CDH23: variants seen among roughly 807,000 people sequenced by gnomAD.
The protein encoded by CDH23 is cadherin related 23, also known as cadherin-23.
In CDH23, 189 loss-of-function variants were observed where a neutral mutation model predicts 317.1. That is an observed-to-expected ratio of 0.60 (90% CI 0.53 to 0.67). The LOEUF (loss-of-function observed/expected upper bound fraction) is 0.67. Among genes scored for constraint, CDH23 ranks in the 30% least tolerant of loss-of-function variants. The pLI, the probability that CDH23 is intolerant of heterozygous loss-of-function variation, is 0.00. For missense variants in CDH23, 4,401 were observed against 4,592.4 expected (o/e 0.96, Z 1.20); for synonymous variants, 1,839 against 1,876.8 (o/e 0.98, Z 0.52).
At chr10:71,508,792 A>G (rs1314010841) in intron 3 of CDH23, among the ~76,000 whole-genome samples, 1 of 152,166 alleles carries the variant, frequency 6.6e-6, no homozygotes, top group Non-Finnish European at 1.5e-5. Context: ...GACTATAGAC[A>G]TTGTCTTCGG....
At chr10:71,524,848 G>A (rs1488385407) in intron 6 of CDH23, among the ~76,000 whole-genome samples, 4 of 152,104 alleles carry the variant, frequency 2.6e-5, no homozygotes, top group Admixed American at 6.5e-5. Flanking sequence ...AAAAGGGAAG[G>A]AAACAGATTT....
intron 1 of CDH23, among the ~76,000 whole-genome samples, chr10:71,426,487 T>C (rs1849083820): frequency 1.3e-5 from 2 of 151,980 alleles, no homozygotes; most frequent in Non-Finnish European, 2.9e-5. Context: ...CCACGGGAGA[T>C]GGACTTCAGG....
chr10:71,773,804 CG>C (rs1191991271), intron 38 of CDH23, among the ~76,000 whole-genome samples: 1 of 152,166 alleles, frequency 6.6e-6, no homozygotes, highest in Non-Finnish European at 1.5e-5. Flanking sequence ...CCTCTAACAG[CG>C]TGATAGACGT....
At chr10:71,440,018 C>CTG (rs1173297145) in intron 2 of CDH23, 120 bp downstream of exon 2, 7 of 777,546 alleles carry the variant, frequency 9.0e-6, no homozygotes, top group African/African-American at 1.7e-5. Context: ...CACTGTCTTA[C>CTG]TGTGTGACTG....
chr10:71,751,779 G>C lies in CDH23; in HGVS notation c.4845+9858G>C. 1 of 1,601,892 alleles carries C rather than the reference G, an allele frequency of 6.2e-7. No individual in the cohort carries two copies. The highest frequency in any genetic ancestry group is 8.5e-7 in the Non-Finnish European group (1 of 1,173,984). On this transcript the variant is annotated intron_variant, in intron 38 of 69. Transcript: ENST00000224721. This position sits in a 1 kb window ranked among gnomAD's most constrained non-coding sequence, Gnocchi z 4.9. Reference sequence around the variant, plus strand: ...GGCTGCCGCTGGGCCACATAGGACAGGGGGTGCCTGACTTTGGCCTCGGGT... The same window carrying C: ...GGCTGCCGCTGGGCCACATAGGACACGGGGTGCCTGACTTTGGCCTCGGGT...
At chr10:71,735,859 C>T (rs1315788026) in intron 34 of CDH23, among the ~76,000 whole-genome samples, 1 of 152,222 alleles carries the variant, frequency 6.6e-6, no homozygotes, top group Non-Finnish European at 1.5e-5. Flanking sequence ...AGCTATGCTC[C>T]CCAAGGGCAG....
chr10:71,581,452 C>A (rs370911212), intron 9 of CDH23, among the ~76,000 whole-genome samples: 1 of 152,190 alleles, frequency 6.6e-6, no homozygotes, highest in Non-Finnish European at 1.5e-5. Context: ...GGATCCGTGG[C>A]CCACAGTTAA....
At chr10:71,715,640 G>A (rs1012629178) in intron 28 of CDH23, 13 of 290,680 alleles carry the variant, frequency 4.5e-5, no homozygotes, top group Non-Finnish European at 6.4e-5. Context: ...ACGAGCCCCA[G>A]GTTGTACCCT....
chr10:71,537,907 A>C (rs1271821182), intron 6 of CDH23, among the ~76,000 whole-genome samples: 1 of 151,900 alleles, frequency 6.6e-6, no homozygotes, highest in Non-Finnish European at 1.5e-5. Context: ...CCTCCCACTC[A>C]CTCGGCTGGT....
intron 38 of CDH23, among the ~76,000 whole-genome samples, chr10:71,771,716 G>A (rs1057389193): frequency 6.6e-6 from 1 of 152,202 alleles, no homozygotes; most frequent in African/African-American, 2.4e-5. Flanking sequence ...ATACCATGTT[G>A]TTTGAGTAGC....
intron 42 of CDH23, 69 bp from the exon 43 acceptor site, chr10:71,784,822 C>G: frequency 7.5e-7 from 1 of 1,332,890 alleles, no homozygotes. Context: ...GGCGAACCTC[C>G]TCCTCGGTTG....
At chr10:71,690,442 C>G (rs1035105192) in intron 19 of CDH23, 26 bp from the exon 20 acceptor site, 4 of 1,539,026 alleles carry the variant, frequency 2.6e-6, no homozygotes, top group East Asian at 2.4e-5. Context: ...GCAGCACCCC[C>G]TGCCCCCACC....
chr10:71,601,208 G>A (rs1373958803), intron 9 of CDH23, among the ~76,000 whole-genome samples: 2 of 152,228 alleles, frequency 1.3e-5, no homozygotes, highest in Non-Finnish European at 2.9e-5. Flanking sequence ...AGGAGTAGGA[G>A]AAGGAATATA....
At chr10:71,764,919 A>AC (rs1265431063) in intron 38 of CDH23, among the ~76,000 whole-genome samples, 2 of 152,088 alleles carry the variant, frequency 1.3e-5, no homozygotes, top group African/African-American at 4.8e-5. Context: ...CACTGCCCTT[A>AC]CCCCTGCAGC....
Position 71,702,539 on chromosome 10 carries a change from G to C in CDH23, c.2588-10G>C, listed in dbSNP as rs894186298. 2 of 1,613,854 alleles carry C rather than the reference G, an allele frequency of 1.2e-6. No individual in the cohort carries two copies. Among genetic ancestry groups the C allele is most frequent in the Non-Finnish European group, 1.7e-6 (2 of 1,179,840 alleles). On this transcript the variant is annotated splice_polypyrimidine_tract_variant and intron_variant, in intron 23 of 69. Transcript: ENST00000224721. Reference sequence around the variant, plus strand: ...CTGTCCTTGGCCCCTTCTCGCCCTGGTCTTCCCAGGTGGCAGGCCCCCTCT... The same window carrying C: ...CTGTCCTTGGCCCCTTCTCGCCCTGCTCTTCCCAGGTGGCAGGCCCCCTCT...
At chr10:71,576,246 A>C (rs1005319214) in intron 8 of CDH23, among the ~76,000 whole-genome samples, 1 of 152,194 alleles carries the variant, frequency 6.6e-6, no homozygotes, top group African/African-American at 2.4e-5. Context: ...TGTCTGGGAC[A>C]TGCAATTGCC....
At chr10:71,499,769 G>A (rs180798135) in intron 3 of CDH23, among the ~76,000 whole-genome samples, 16 of 152,184 alleles carry the variant, frequency 1.1e-4, no homozygotes, top group East Asian at 9.6e-4. Context: ...ACCCCACGAC[G>A]CAGAGGTTGC....
At chr10:71,621,371 T>G (rs1318936070) in intron 11 of CDH23, among the ~76,000 whole-genome samples, 1 of 152,218 alleles carries the variant, frequency 6.6e-6, no homozygotes, top group African/African-American at 2.4e-5. Context: ...ATGCCCACGA[T>G]TAGTGTGAGG....
chr10:71,713,485 G>C, intron 28 of CDH23: 1 of 575,100 alleles, frequency 1.7e-6, no homozygotes, highest in East Asian at 2.9e-5. Context: ...TCCCGGGCTT[G>C]GGAGGGACAG....
Sources: gnomAD v4.1 joint callset for allele counts (sites outside exome capture counted in the v4.1 genomes callset) on GRCh38, gnomAD v4.1.1 for gene constraint, Gnocchi (gnomAD v3.1) non-coding constraint, MANE v1.5 for transcripts, NCBI Gene and HGNC (gene_info 2026-07-23, HGNC 2026-07-21) for gene names.